Variants in ACP2 observed in about 807,000 individuals in gnomAD.
ACP2 encodes acid phosphatase 2, lysosomal.
Under a neutral mutation model 54.7 loss-of-function variants are expected in ACP2, and 35 were observed. The observed-to-expected ratio is 0.64, with a 90% confidence interval of 0.49 to 0.85. The LOEUF is 0.85. ACP2 is among the 40% of genes least tolerant of loss of function. The pLI, the probability that ACP2 is intolerant of heterozygous loss-of-function variation, is 0.00. For missense variants in ACP2, 492 were observed against 565.0 expected (o/e 0.87, Z 1.31); for synonymous variants, 210 against 224.4 (o/e 0.94, Z 0.57).
Position 47,243,253 on chromosome 11 carries a change from G to A in ACP2, c.841C>T (p.Leu281=). ...CAGGCACTCACCGCAGAGTAAACCA[G>A]CAGCTTGGGGAGCTGGGAGGTGGTC... ...MATTSQLPKL[L]VYSAHDTTLV... Residue 281 remains leucine, a synonymous_variant, in exon 8 of 11, where the codon CTG becomes TTG. Coordinates refer to ENST00000672073, the MANE Select transcript of ACP2 (RefSeq NM_001610.4). 5.0e-6 allele frequency: 8 copies of A among 1,614,246 alleles called. No individual in the cohort carries two copies. Among genetic ancestry groups the A allele is most frequent in the Non-Finnish European group, 6.8e-6 (8 of 1,180,044 alleles).
chr11:47,248,433 T>C, intron 1 of ACP2: 1 of 1,540,300 alleles, frequency 6.5e-7, no homozygotes, highest in Admixed American at 2.0e-5. Flanking sequence ...AAGGCTTCTT[T>C]AGGGATGAGT....
intron 10 of ACP2, among the ~76,000 whole-genome samples, 164 bp downstream of exon 10, chr11:47,242,559 G>A (rs932211755): frequency 2.0e-5 from 3 of 152,210 alleles, no homozygotes; most frequent in Non-Finnish European, 4.4e-5. Flanking sequence ...GACATCACCC[G>A]AGGGTGAGAA....
chr11:47,239,934 T>G lies in ACP2; in HGVS notation c.*182A>C. On this transcript the variant is annotated 3_prime_UTR_variant, in exon 11 of 11. Transcript: ENST00000672073. ...CACAGCACTTGGTAAACATCAGGCA[T>G]GGGAATGCTGAGTGACAGGCACCAT... The G allele has an allele frequency of 3.3e-6, 2 of 613,062 alleles. No homozygotes were observed. The highest frequency in any genetic ancestry group is 6.0e-5 in the Admixed American group (2 of 33,066). The allele number at this position is 613,062 out of a possible 1,614,324, so 38.0% of individuals were successfully genotyped here.
chr11:47,244,717 G>T lies in ACP2; in HGVS notation c.772+18C>A. 1 of 1,585,142 alleles carries T rather than the reference G, an allele frequency of 6.3e-7. No individual in the cohort carries two copies. The highest frequency in any genetic ancestry group is 1.3e-5 in the African/African-American group (1 of 74,592). ...AGGGTCCTGAGGAGTAGAGTGACAC[G>T]CTGTCCTTGTCACTCACCCCCCTGA... is the stretch of plus-strand genomic sequence containing the variant. On this transcript the variant is annotated intron_variant, in intron 7 of 10. Transcript: ENST00000672073.
chr11:47,245,763 A>G lies in ACP2; in HGVS notation c.369T>C (p.Pro123=). 11 of 1,613,142 alleles carry G rather than the reference A, an allele frequency of 6.8e-6. No homozygotes were observed. The highest frequency in any genetic ancestry group is 9.3e-6 in the Non-Finnish European group (11 of 1,179,444). Reference sequence around the variant, plus strand: ...GGTTGAAGCGCTGCATCCCGTTGGGAGGGAAGAGTCCAGCCAGGTTGGCCT... The same window carrying G: ...GGTTGAAGCGCTGCATCCCGTTGGGGGGGAAGAGTCCAGCCAGGTTGGCCT... ...SAEANLAGLF[P]PNGMQRFNPN... is the part of the protein sequence containing the mutation. The change falls in exon 4 of 11, where the codon CCT becomes CCC. Residue 123 remains proline (P), a synonymous_variant. Transcript: ENST00000672073.
rs552981711 is a variant in ACP2 at position 47,244,681 on chromosome 11, T to G, written c.772+54A>C. The stretch of plus-strand genomic sequence containing the variant: ...GTGTGAGAAGCCCCCACAGCAGATT[T>G]TTAACGCCTTAGGGTCCTGAGGAGT... On this transcript the variant is annotated intron_variant, in intron 7 of 10. Transcript: ENST00000672073. 3.7e-5 allele frequency: 53 copies of G among 1,440,772 alleles called. No individual in the cohort carries two copies. In the African/African-American group the frequency reaches 5.3e-4, roughly 15 times the overall value. 89.2% of individuals were successfully genotyped at this position (1,440,772 alleles called of 1,614,324 possible). A position where few individuals can be genotyped will look rare whatever the true frequency, so the allele number is the denominator to read the frequency against.
chr11:47,245,857 C>CGCGTGTGTGTGT, intron 3 of ACP2, 23 bp from the exon 4 acceptor site: 1 of 1,470,796 alleles, frequency 6.8e-7, no homozygotes, highest in Non-Finnish European at 9.0e-7. Flanking sequence ...CAACACAAGT[C>CGCGTGTGTGTGT]GTGTGTGTGT....
rs756234829 is a variant in ACP2, at chr11:47,247,658, A to G, written c.280T>C (p.Ser94Pro). ...AACCTTACCTCTTGCCGGTGATAAG[A>G]GGTGTTTAGGAAGCCGTGATAGCGC... ...RQRYHGFLNT[S>P]YHRQEVYVRS... The change falls in exon 3 of 11, where the codon TCT becomes CCT. Residue 94 changes from serine (S) to proline (P), a missense_variant. By Grantham distance (74) the Ser-to-Pro change is moderately conservative (BLOSUM62 -1). Coordinates refer to ENST00000672073, the MANE Select transcript of ACP2 (RefSeq NM_001610.4). 6.2e-7 allele frequency: 1 copy of G among 1,614,168 alleles called. No homozygotes were observed. The highest frequency in any genetic ancestry group is 1.7e-5 in the Admixed American group (1 of 60,022).
At chr11:47,245,178 A>C (rs376413659) in intron 6 of ACP2, 127 bp downstream of exon 6, 1 of 1,112,042 alleles carries the variant, frequency 9.0e-7, no homozygotes, top group Non-Finnish European at 1.4e-6. Context: ...CCCGTGTTTC[A>C]CAAGCACAGC....
chr11:47,242,946 A>G lies in ACP2; in HGVS notation c.963-48T>C, dbSNP rs760622622. On this transcript the variant is annotated intron_variant, in intron 9 of 10. Coordinates refer to ENST00000672073, the MANE Select transcript of ACP2 (RefSeq NM_001610.4). Reference sequence around the variant, plus strand: ...ATGGGAGCTGCTCAGCCTGCCCATCATGGGGTCCTTGGGCTGCCCCGAGCC... The same window carrying G: ...ATGGGAGCTGCTCAGCCTGCCCATCGTGGGGTCCTTGGGCTGCCCCGAGCC... 1.7e-5 allele frequency: 27 copies of G among 1,609,782 alleles called. No individual in the cohort carries two copies. The East Asian group carries it at 4.0e-4, about 24-fold the overall frequency.
In ACP2 at chr11:47,245,377, CA is replaced by C; in HGVS notation, c.566del (p.Val189GlyfsTer10). On this transcript the variant is annotated frameshift_variant, in exon 6 of 11. Transcript: ENST00000672073. LOFTEE classifies it high-confidence loss of function. Reference protein sequence around the residue: ...SSRNAQFLDMVANETGLTDLT... With the variant: ...SSRNAQFLDMXANETGLTDLT... ...GGTCTGTAAGCCCTGTCTCGTTGGCCACCATGTCCAGAAATTGCTATGAAAA... is the reference window on the plus strand; with the variant it reads ...GGTCTGTAAGCCCTGTCTCGTTGGCCCCATGTCCAGAAATTGCTATGAAAA... 6.2e-7 allele frequency: 1 copy of C among 1,614,148 alleles called. No homozygotes were observed. The highest frequency in any genetic ancestry group is 8.5e-7 in the Non-Finnish European group (1 of 1,180,034).
At chr11:47,245,878 G>GTGTT (rs771606806) in intron 3 of ACP2, 44 bp from the exon 4 acceptor site, 51 of 1,525,262 alleles carry the variant, frequency 3.3e-5, no homozygotes, top group Non-Finnish European at 3.6e-5. Context: ...GTGTGTGTGT[G>GTGTT]TGTGTGTTGG....
rs771912288 is a variant in ACP2, at chr11:47,248,038, C to T, written c.210G>A (p.Lys70=). 3.1e-6 allele frequency: 5 copies of T among 1,595,016 alleles called. No homozygotes were observed. In the South Asian group the frequency reaches 3.4e-5, roughly 11 times the overall value. Residue 70 remains lysine (K), a splice_region_variant and synonymous_variant, in exon 2 of 11, where the codon AAG becomes AAA. Transcript: ENST00000672073. ...EWPQGFGQLT[K]EGMLQHWELG... ...GAGGAAAGGCTGGCTTCTGACCCAC[C>T]TTGGTTAACTGACCAAACCCCTGGG...
chr11:47,247,195 C>T (rs560493027), intron 3 of ACP2, among the ~76,000 whole-genome samples: 64 of 152,228 alleles, frequency 4.2e-4, no homozygotes, highest in Middle Eastern at 3.4e-3. Context: ...GCCCTCTCTA[C>T]GCATGTCTTC....
chr11:47,241,712 C>T (rs190092892), intron 10 of ACP2, among the ~76,000 whole-genome samples: 81 of 152,212 alleles, frequency 5.3e-4, no homozygotes, highest in African/African-American at 1.8e-3. Context: ...GTATGAGAAA[C>T]GGTATGCAGA....
intron 10 of ACP2, among the ~76,000 whole-genome samples, chr11:47,241,525 TA>T (rs953981836): frequency 6.6e-6 from 1 of 151,936 alleles, no homozygotes; most frequent in African/African-American, 2.4e-5. Flanking sequence ...CTCAAAAAAA[TA>T]AAAAAAGTTA....
intron 7 of ACP2, among the ~76,000 whole-genome samples, chr11:47,243,634 C>T (rs758728089): frequency 3.3e-5 from 5 of 152,266 alleles, no homozygotes; most frequent in East Asian, 1.9e-4. Flanking sequence ...GAGTACACAG[C>T]GGGTGGGTGC....
chr11:47,247,607 T>C (rs775932737), intron 3 of ACP2, 34 bp downstream of exon 3: 1 of 1,612,420 alleles, frequency 6.2e-7, no homozygotes, highest in East Asian at 2.2e-5. Context: ...GCAGCATACC[T>C]TGTTCCCCTT....
intron 2 of ACP2, 54 bp downstream of exon 2, chr11:47,247,984 T>C: frequency 1.4e-6 from 2 of 1,467,596 alleles, no homozygotes; most frequent in Non-Finnish European, 1.9e-6. Flanking sequence ...TAGACTGCTC[T>C]AGACGTCGCT....
Sources: gnomAD v4.1 joint callset for allele counts (sites outside exome capture counted in the v4.1 genomes callset) on GRCh38, gnomAD v4.1.1 for gene constraint, MANE v1.5 for transcripts, NCBI Gene and HGNC (gene_info 2026-07-23, HGNC 2026-07-21) for gene names.